Variants in MCF2L2 observed in about 807,000 individuals in gnomAD.
MCF2L2 encodes the protein MCF.2 cell line derived transforming sequence-like 2.
MCF2L2 carries 102 observed loss-of-function variants against 150.2 expected under a neutral mutation model. The observed-to-expected ratio is 0.68, with a 90% CI of 0.58 to 0.80. The LOEUF (loss-of-function observed/expected upper bound fraction) is 0.80, where lower values mean the gene tolerates loss of function less well. Among genes scored for constraint, MCF2L2 ranks in the 30% least tolerant of loss-of-function variants. The pLI is 0.00. For missense variants in MCF2L2, 1,256 were observed against 1,372.8 expected (o/e 0.91, Z 1.34); for synonymous variants, 465 against 491.3 (o/e 0.95, Z 0.71).
In MCF2L2 at chr3:183,229,107, T is replaced by C. The variant is rs78356289; in HGVS notation, c.2045+559A>G. Reference sequence around the variant, plus strand: ...TAGGTGTGCAATCTTGGGGTCATCATAGCGAATAAAGAGAGTTAACAAGTT... The same window carrying C: ...TAGGTGTGCAATCTTGGGGTCATCACAGCGAATAAAGAGAGTTAACAAGTT... On this transcript the variant is annotated intron_variant, in intron 17 of 29. Transcript: ENST00000328913. 9.6e-3 allele frequency among the ~76,000 whole-genome samples: 1,459 copies of C among 152,290 alleles called. 21 individuals are homozygous for C. The highest frequency in any genetic ancestry group is 0.032 in the African/African-American group (1,339 of 41,548).
chr3:183,411,681 T>C (rs1040598282), intron 1 of MCF2L2, among the ~76,000 whole-genome samples: 8 of 151,430 alleles, frequency 5.3e-5, no homozygotes, highest in African/African-American at 1.5e-4. Flanking sequence ...CCTGTAGCCA[T>C]AGCTGAGAAG....
intron 22 of MCF2L2, 131 bp downstream of exon 22, chr3:183,215,838 T>C (rs1722891007): frequency 3.6e-6 from 4 of 1,108,770 alleles, no homozygotes; most frequent in East Asian, 2.7e-5. Context: ...CTGAGCAATT[T>C]AGGCGACTGT....
rs1237215856 is a variant in MCF2L2, at chr3:183,215,991, A to T, written c.2474T>A (p.Leu825Gln). 1 of 1,613,890 alleles carries T rather than the reference A, an allele frequency of 6.2e-7. No individual in the cohort carries two copies. Reference sequence around the variant, plus strand: ...TACCGGACATTCAGTCACTGCTGCTAGGTCCACAGCCAACTCACAGGACTT... The same window carrying T: ...TACCGGACATTCAGTCACTGCTGCTTGGTCCACAGCCAACTCACAGGACTT... ...LIKSCELAVD[L>Q]AAVTECPDDI... The change falls in exon 22 of 30, where the codon CTA becomes CAA. Residue 825 changes from leucine to glutamine, a missense_variant. Transcript: ENST00000328913.
chr3:183,320,237 C>T (rs187616377), intron 6 of MCF2L2, among the ~76,000 whole-genome samples: 2,296 of 151,984 alleles, frequency 0.015, 73 homozygotes, highest in African/African-American at 0.052. Context: ...GGATGACAGG[C>T]ACCCGCCACC....
intron 3 of MCF2L2, among the ~76,000 whole-genome samples, chr3:183,358,789 AT>A (rs111839697): frequency 0.092 from 13,683 of 149,516 alleles, 967 homozygotes; most frequent in African/African-American, 0.19. Context: ...TCCAGTTAAT[AT>A]TTTTTTTTTA....
intron 2 of MCF2L2, among the ~76,000 whole-genome samples, chr3:183,381,258 T>C (rs1324226727): frequency 2.6e-5 from 4 of 152,132 alleles, no homozygotes. Flanking sequence ...GTGGGGACTG[T>C]GTGATTAATG....
At chr3:183,196,142 C>G (rs1277944517) in intron 25 of MCF2L2, among the ~76,000 whole-genome samples, 1 of 152,168 alleles carries the variant, frequency 6.6e-6, no homozygotes, top group Non-Finnish European at 1.5e-5. Context: ...GCTGCTGTGT[C>G]TCACCCATCA....
intron 3 of MCF2L2, among the ~76,000 whole-genome samples, chr3:183,366,417 G>A (rs1324364764): frequency 3.3e-5 from 5 of 152,158 alleles, no homozygotes; most frequent in African/African-American, 9.7e-5. Context: ...GAGGCAGGCA[G>A]GCAGATCACC....
At chr3:183,411,792 T>C (rs1715327112) in intron 1 of MCF2L2, among the ~76,000 whole-genome samples, 1 of 152,138 alleles carries the variant, frequency 6.6e-6, no homozygotes, top group Non-Finnish European at 1.5e-5. Context: ...AAGCATTTTA[T>C]CAAGCTGAGC....
At chr3:183,188,140 A>AC (rs985980495) in intron 27 of MCF2L2, among the ~76,000 whole-genome samples, 5 of 152,080 alleles carry the variant, frequency 3.3e-5, no homozygotes, top group South Asian at 4.1e-4. Flanking sequence ...AGAGTCTAGG[A>AC]CCCCCACTAT....
chr3:183,209,268 T>C (rs1722603026), intron 22 of MCF2L2, among the ~76,000 whole-genome samples: 1 of 152,218 alleles, frequency 6.6e-6, no homozygotes, highest in Non-Finnish European at 1.5e-5. Context: ...TATGTTTTAG[T>C]AAAGGCAACT....
At position 183,427,944 on chromosome 3, in the gene MCF2L2, G is replaced by A. The variant is rs1253993784; in HGVS notation, c.34C>T (p.Gln12Ter). 1 of 1,614,050 alleles carries A rather than the reference G, an allele frequency of 6.2e-7. No homozygotes were observed. Among genetic ancestry groups the A allele is most frequent in the East Asian group, 2.2e-5 (1 of 44,876 alleles). The change falls in exon 1 of 30, where the codon CAG becomes TAG. Residue 12 changes from glutamine (Q) to a stop codon, truncating the protein, a stop_gained. Transcript: ENST00000328913. LOFTEE classifies it high-confidence loss of function. ...LSCLKEEMPPQELTRRLATVI... is the reference protein window; with the variant it reads ...LSCLKEEMPP ...GTGGCCAGTCGCCGGGTGAGCTCCT[G>A]GGGAGGCATCTCTTCTTTTAAGCAA...
intron 18 of MCF2L2, chr3:183,225,444 C>T (rs1425319005): frequency 6.6e-6 from 1 of 152,230 alleles, no homozygotes; most frequent in Non-Finnish European, 1.5e-5. Context: ...TGTCCACTAA[C>T]CAGCAACATA....
At chr3:183,249,408 ACTGTCC>A (rs1212701018) in intron 15 of MCF2L2, among the ~76,000 whole-genome samples, 3 of 152,182 alleles carry the variant, frequency 2.0e-5, no homozygotes, top group Non-Finnish European at 2.9e-5. Context: ...CCCCTCCGAA[ACTGTCC>A]CTGTCCCTGT....
At chr3:183,379,563 C>A (rs1056367288) in intron 2 of MCF2L2, 152 bp from the exon 3 acceptor site, 4 of 625,360 alleles carry the variant, frequency 6.4e-6, no homozygotes, top group African/African-American at 5.7e-5. Flanking sequence ...TTATTTTGAA[C>A]AAGTCTCTCT....
At chr3:183,284,145 G>C (rs1445209118) in intron 14 of MCF2L2, among the ~76,000 whole-genome samples, 1 of 152,122 alleles carries the variant, frequency 6.6e-6, no homozygotes, top group Admixed American at 6.5e-5. Flanking sequence ...TGGTGAAAGA[G>C]CAAGGCCAAC....
chr3:183,213,494 A>G (rs866104047), intron 22 of MCF2L2, among the ~76,000 whole-genome samples: 13 of 152,060 alleles, frequency 8.5e-5, no homozygotes, highest in African/African-American at 2.7e-4. Context: ...CCTTTATAAA[A>G]CCAGGTTAAT....
chr3:183,356,169 TAAA>T (rs34297018), intron 3 of MCF2L2, among the ~76,000 whole-genome samples: 66 of 132,800 alleles, frequency 5.0e-4, no homozygotes, highest in African/African-American at 1.8e-3. Flanking sequence ...AAAATTGACT[TAAA>T]AAAAAAAAAA....
At chr3:183,390,110 AT>A (rs1013457145) in intron 1 of MCF2L2, among the ~76,000 whole-genome samples, 1 of 152,202 alleles carries the variant, frequency 6.6e-6, no homozygotes, top group African/African-American at 2.4e-5. Context: ...GAAGGCAGGT[AT>A]TTGCCTACAC....
Sources: allele counts gnomAD v4.1 joint callset (sites outside exome capture counted in the v4.1 genomes callset), GRCh38; gene constraint gnomAD v4.1.1; transcripts MANE v1.5; gene names NCBI Gene and HGNC (gene_info 2026-07-23, HGNC 2026-07-21).